The following ADGRL3 variants were observed in gnomAD, a reference collection of about 807,000 sequenced individuals.
ADGRL3 encodes adhesion G protein-coupled receptor L3.
Under a neutral mutation model 153.5 loss-of-function variants are expected in ADGRL3, and 62 were observed. The ratio of observed to expected loss-of-function variants is 0.40; its 90% confidence interval spans 0.33 to 0.50. The LOEUF is 0.50. Ranked by LOEUF, ADGRL3 falls within the 20% of genes least tolerant of loss-of-function variation. The probability of loss-of-function intolerance (pLI) is 0.47; values close to 1 mark genes in which losing one functional copy is unlikely to be tolerated. For missense variants in ADGRL3, 1,641 were observed against 1,859.4 expected, an observed-to-expected ratio of 0.88 and a Z score of 2.16; for synonymous variants, 710 against 672.5, an observed-to-expected ratio of 1.06 and a Z score of -0.86.
intron 2 of ADGRL3, among the ~76,000 whole-genome samples, chr4:61,476,811 A>G (rs966543599): frequency 6.6e-5 from 10 of 151,188 alleles, no homozygotes; most frequent in Admixed American, 1.3e-4. Context: ...GCTGACCTCA[A>G]GCAGTCCACC....
chr4:62,033,788 A>G (rs1272397319), intron 23 of ADGRL3, among the ~76,000 whole-genome samples: 1 of 151,824 alleles, frequency 6.6e-6, no homozygotes, highest in African/African-American at 2.4e-5. Context: ...TTGGACCAAC[A>G]TAATTTTTAA....
intron 5 of ADGRL3, among the ~76,000 whole-genome samples, chr4:61,628,617 G>T (rs552616167): frequency 6.6e-6 from 1 of 152,262 alleles, no homozygotes. Flanking sequence ...TACTTAGAAA[G>T]TTCTGGTATG....
intron 6 of ADGRL3, among the ~76,000 whole-genome samples, chr4:61,710,275 G>T (rs1433683847): frequency 1.3e-5 from 2 of 152,106 alleles, no homozygotes; most frequent in Non-Finnish European, 2.9e-5. Context: ...AACAATAGGG[G>T]ACATTTACAT....
At chr4:61,700,598 G>A (rs1193535791) in intron 6 of ADGRL3, among the ~76,000 whole-genome samples, 1 of 152,116 alleles carries the variant, frequency 6.6e-6, no homozygotes, top group Non-Finnish European at 1.5e-5. Flanking sequence ...ATGAGATTGG[G>A]GTGAGGTAGT....
chr4:61,226,989 A>G (rs1748259228), intron 1 of ADGRL3, among the ~76,000 whole-genome samples: 1 of 151,614 alleles, frequency 6.6e-6, no homozygotes, highest in African/African-American at 2.4e-5. Context: ...TTTAGAATGT[A>G]ATTTTTTAGT....
At chr4:61,893,396 C>G (rs1006372809) in intron 10 of ADGRL3, among the ~76,000 whole-genome samples, 1 of 152,028 alleles carries the variant, frequency 6.6e-6, no homozygotes, top group African/African-American at 2.4e-5. Context: ...ATACAGCAGT[C>G]CAGAGGGGAT....
intron 1 of ADGRL3, among the ~76,000 whole-genome samples, chr4:61,214,167 A>G (rs1200583109): frequency 1.3e-5 from 2 of 152,210 alleles, no homozygotes; most frequent in Non-Finnish European, 2.9e-5. Flanking sequence ...AGCAGAGGTC[A>G]GTAAAATAAT....
intron 1 of ADGRL3, among the ~76,000 whole-genome samples, chr4:61,301,802 C>T (rs944246430): frequency 3.2e-4 from 48 of 152,000 alleles, no homozygotes; most frequent in Non-Finnish European, 6.9e-4. Context: ...GAAATAACAG[C>T]ACTAAAAAGA....
rs909020552 is a variant in ADGRL3, at chr4:61,832,889, G to A, written c.1480+19000G>A. On this transcript the variant is annotated intron_variant, in intron 9 of 26. Coordinates refer to ENST00000683033, the MANE Select transcript of ADGRL3 (RefSeq NM_001387552.1). ...GCTCACTGCACCCTTGAACTCCTGG[G>A]CTCAAGCAGTCCTCTTACCTCAGCC... is the stretch of plus-strand genomic sequence containing the variant. Among the ~76,000 whole-genome samples, 8 of 150,638 alleles carry A rather than the reference G, an allele frequency of 5.3e-5. No homozygotes were observed. The East Asian group carries it at 1.6e-3, about 30-fold the overall frequency.
chr4:61,554,878 G>C (rs1283586998), intron 4 of ADGRL3, among the ~76,000 whole-genome samples: 4 of 152,158 alleles, frequency 2.6e-5, no homozygotes, highest in African/African-American at 9.7e-5. Context: ...AGACCCAGGG[G>C]CTTAAATACC....
At chr4:61,508,858 C>CAGG (rs1334412723) in intron 3 of ADGRL3, among the ~76,000 whole-genome samples, 1 of 152,134 alleles carries the variant, frequency 6.6e-6, no homozygotes, top group Non-Finnish European at 1.5e-5. Context: ...TCAGATGGCT[C>CAGG]AGGAGGCCTC....
At chr4:61,414,016 T>C (rs764716520) in intron 2 of ADGRL3, among the ~76,000 whole-genome samples, 7 of 152,230 alleles carry the variant, frequency 4.6e-5, no homozygotes, top group Non-Finnish European at 8.8e-5. Flanking sequence ...TTTTCTATAG[T>C]CATTGTGAAT....
intron 1 of ADGRL3, among the ~76,000 whole-genome samples, chr4:61,263,289 T>TA (rs145210549): frequency 2.6e-5 from 4 of 151,528 alleles, no homozygotes; most frequent in Non-Finnish European, 4.4e-5. Context: ...GTTTTGTGGT[T>TA]AAAAAAAACC....
chr4:61,562,532 T>C (rs1394643228), intron 4 of ADGRL3, among the ~76,000 whole-genome samples: 1 of 152,164 alleles, frequency 6.6e-6, no homozygotes, highest in Non-Finnish European at 1.5e-5. Flanking sequence ...TTCGTTGTCA[T>C]TTCCACAATG....
At chr4:61,787,501 G>A (rs1270377990) in intron 8 of ADGRL3, among the ~76,000 whole-genome samples, 1 of 151,968 alleles carries the variant, frequency 6.6e-6, no homozygotes, top group African/African-American at 2.4e-5. Context: ...ACAACATAAA[G>A]AGTGTACTGG....
At chr4:61,749,403 A>G (rs538966254) in intron 8 of ADGRL3, among the ~76,000 whole-genome samples, 191 of 152,360 alleles carry the variant, frequency 1.3e-3, no homozygotes, top group African/African-American at 4.3e-3. Flanking sequence ...GTAAAGACAC[A>G]TGCACACATA....
chr4:61,920,939 GGCAACTA>G (rs1427102160), intron 13 of ADGRL3, among the ~76,000 whole-genome samples: 1 of 151,980 alleles, frequency 6.6e-6, no homozygotes, highest in South Asian at 2.1e-4. Context: ...AGGGATATTG[GGCAACTA>G]GCAGCCTCAG....
chr4:61,246,038 C>G (rs1756937980), intron 1 of ADGRL3, among the ~76,000 whole-genome samples: 1 of 152,018 alleles, frequency 6.6e-6, no homozygotes, highest in South Asian at 2.1e-4. Context: ...CTGTATTTCC[C>G]ACCCTTATCA....
chr4:61,980,424 C>A (rs1447624196), intron 18 of ADGRL3, among the ~76,000 whole-genome samples: 1 of 143,652 alleles, frequency 7.0e-6, no homozygotes, highest in Non-Finnish European at 1.5e-5. Flanking sequence ...CTGTCTCTTT[C>A]TTTCTTTCTT....
Sources: allele counts gnomAD v4.1 joint callset (sites outside exome capture counted in the v4.1 genomes callset), GRCh38; gene constraint gnomAD v4.1.1; transcripts MANE v1.5; gene names NCBI Gene and HGNC (gene_info 2026-07-23, HGNC 2026-07-21).